The following RNF139 variants were observed in gnomAD, a reference collection of about 807,000 sequenced individuals.
RNF139 encodes the protein E3 ubiquitin-protein ligase RNF139.
In RNF139, 15 loss-of-function variants were observed where a neutral mutation model predicts 49.5. The ratio of observed to expected loss-of-function variants is 0.30; its 90% confidence interval spans 0.20 to 0.47. RNF139 has a LOEUF of 0.47. Ranked by LOEUF, RNF139 falls within the 20% of genes least tolerant of loss-of-function variation. RNF139 has a pLI of 1.00. For synonymous variants in RNF139, 325 were observed against 300.9 expected (o/e 1.08, Z -0.83); for missense variants, 619 against 806.3 (o/e 0.77, Z 2.81).
At chr8:124,482,011 G>C (rs1480796436) in intron 1 of RNF139, among the ~76,000 whole-genome samples, 1 of 152,012 alleles carries the variant, frequency 6.6e-6, no homozygotes, top group Non-Finnish European at 1.5e-5. Flanking sequence ...TACAAACTTT[G>C]GGTAGGAATT....
intron 1 of RNF139, among the ~76,000 whole-genome samples, chr8:124,476,857 T>C (rs1473497350): frequency 6.6e-6 from 1 of 152,232 alleles, no homozygotes; most frequent in African/African-American, 2.4e-5. Context: ...GGAAAAGAAG[T>C]ATTTTCTTTA....
intron 1 of RNF139, among the ~76,000 whole-genome samples, chr8:124,478,140 TAAA>T (rs1395642000): frequency 7.5e-6 from 1 of 133,670 alleles, no homozygotes; most frequent in African/African-American, 2.8e-5. Flanking sequence ...AGACTCTGTC[TAAA>T]AAAAAAAACA....
At chr8:124,475,902 A>C (rs540940452) in intron 1 of RNF139, among the ~76,000 whole-genome samples, 1 of 152,382 alleles carries the variant, frequency 6.6e-6, no homozygotes, top group East Asian at 1.9e-4. Flanking sequence ...GAAGGTATTG[A>C]AAGTGACTGT....
chr8:124,484,189 A>G (rs1437204541), intron 1 of RNF139, among the ~76,000 whole-genome samples: 1 of 152,188 alleles, frequency 6.6e-6, no homozygotes. Context: ...TAGTGGAGAA[A>G]GGAATGTGTT....
At chr8:124,483,098 A>ATATATATTT (rs1563631406) in intron 1 of RNF139, among the ~76,000 whole-genome samples, 2 of 26,254 alleles carry the variant, frequency 7.6e-5, no homozygotes, top group South Asian at 1.6e-3. Flanking sequence ...TATATTTAAA[A>ATATATATTT]ATATATATAT....
rs761458320 is a variant in RNF139 at position 124,475,125 on chromosome 8, C to G, written c.16C>G (p.Pro6Ala). Residue 6 changes from proline to alanine, a missense_variant, in exon 1 of 2, where the codon CCC becomes GCC. Pro to Ala is a conservative substitution (Grantham distance 27, BLOSUM62 -1). Around this residue, in one of 2 missense-constraint regions of RNF139, gnomAD observed 89 missense variants for 77.5 expected, o/e 1.15. Coordinates refer to ENST00000303545, the MANE Select transcript of RNF139 (RefSeq NM_007218.4). ...GCAGCGGCTCATGGCGGCCGTGGGGCCCCCGCAGCAGCAGGTGCGGATGGC... is the reference window on the plus strand; with the variant it reads ...GCAGCGGCTCATGGCGGCCGTGGGGGCCCCGCAGCAGCAGGTGCGGATGGC... MAAVG[P>A]PQQQVRMAHQ... 8 of 1,587,090 alleles carry G rather than the reference C, an allele frequency of 5.0e-6. No individual in the cohort carries two copies. In the Admixed American group the frequency reaches 5.2e-5, roughly 10 times the overall value.
chr8:124,486,323 T>C lies in RNF139; in HGVS notation c.674T>C (p.Met225Thr), dbSNP rs746104363. 2 of 1,614,160 alleles carry C rather than the reference T, an allele frequency of 1.2e-6. No individual in the cohort carries two copies. Among genetic ancestry groups the C allele is most frequent in the Non-Finnish European group, 1.7e-6 (2 of 1,180,004 alleles). The change falls in exon 2 of 2, where the codon ATG (methionine) becomes ACG (threonine). Residue 225 changes from methionine to threonine, a missense_variant. Around this residue, in one of 2 missense-constraint regions of RNF139, gnomAD observed 530 missense variants for 728.9 expected, o/e 0.73. Transcript: ENST00000303545. ...CGAATTTACGGATTACAGTTATTGATGGAGGACACATGGAAGAGGATTCGT... is the reference window on the plus strand; with the variant it reads ...CGAATTTACGGATTACAGTTATTGACGGAGGACACATGGAAGAGGATTCGT... ...MYRIYGLQLL[M>T]EDTWKRIRFP...
intron 1 of RNF139, among the ~76,000 whole-genome samples, chr8:124,483,009 AAAT>A (rs1816458252): frequency 1.2e-5 from 1 of 80,490 alleles, no homozygotes; most frequent in African/African-American, 5.5e-5. Flanking sequence ...TATATATTAA[AAAT>A]ATATATATAT....
At chr8:124,482,741 A>G (rs918090094) in intron 1 of RNF139, among the ~76,000 whole-genome samples, 8 of 151,054 alleles carry the variant, frequency 5.3e-5, no homozygotes, top group Non-Finnish European at 1.0e-4. Context: ...AGCCTGACCA[A>G]CGTGGAAAAA....
chr8:124,487,564 G>A lies in RNF139; in HGVS notation c.1915G>A (p.Asp639Asn). The A allele has an allele frequency of 6.2e-7, 1 of 1,614,122 alleles. No homozygotes were observed. Among genetic ancestry groups the A allele is most frequent in the Non-Finnish European group, 8.5e-7 (1 of 1,179,974 alleles). The change falls in exon 2 of 2, where the codon GAT becomes AAT. Residue 639 changes from aspartate to asparagine, a missense_variant. Asp to Asn is a conservative substitution (Grantham distance 23, BLOSUM62 1). Transcript: ENST00000303545. ...LNEDDSTDCDDDVQRERNGVI... is the reference protein window; with the variant it reads ...LNEDDSTDCDNDVQRERNGVI... ...CGAAGATGACAGTACAGATTGTGATGATGATGTTCAAAGAGAAAGAAATGG... is the reference window on the plus strand; with the variant it reads ...CGAAGATGACAGTACAGATTGTGATAATGATGTTCAAAGAGAAAGAAATGG...
At chr8:124,476,322 G>C (rs1816313905) in intron 1 of RNF139, among the ~76,000 whole-genome samples, 1 of 152,112 alleles carries the variant, frequency 6.6e-6, no homozygotes, top group Non-Finnish European at 1.5e-5. Flanking sequence ...CATTTTCACT[G>C]GTAGGTATTA....
At chr8:124,479,160 A>G (rs541501627) in intron 1 of RNF139, among the ~76,000 whole-genome samples, 2 of 150,976 alleles carry the variant, frequency 1.3e-5, no homozygotes, top group Non-Finnish European at 3.0e-5. Flanking sequence ...GCGTGATCTC[A>G]GCACACTGCA....
Position 124,487,690 on chromosome 8 carries a change from G to A in RNF139, c.*46G>A. 3 of 1,534,052 alleles carry A rather than the reference G, an allele frequency of 2.0e-6. No homozygotes were observed. The highest frequency in any genetic ancestry group is 2.6e-6 in the Non-Finnish European group (3 of 1,142,822). On this transcript the variant is annotated 3_prime_UTR_variant, in exon 2 of 2. Transcript: ENST00000303545. ...GATTGAGGTATTTGTTTAAAATTCAGTTCATCCAAAATGGAGTAATATCCT... is the reference window on the plus strand; with the variant it reads ...GATTGAGGTATTTGTTTAAAATTCAATTCATCCAAAATGGAGTAATATCCT...
At chr8:124,485,800 A>C (rs750543715) in intron 1 of RNF139, 31 bp from the exon 2 acceptor site, 1 of 1,524,552 alleles carries the variant, frequency 6.6e-7, no homozygotes, top group Admixed American at 2.0e-5. Flanking sequence ...CAAATACTTC[A>C]TTCAAATGAC....
rs2131308041 is a variant in RNF139, at chr8:124,487,143, T to C, written c.1494T>C (p.Phe498=). 1 of 1,613,970 alleles carries C rather than the reference T, an allele frequency of 6.2e-7. No homozygotes were observed. Among genetic ancestry groups the C allele is most frequent in the African/African-American group, 1.3e-5 (1 of 75,046 alleles). The part of the protein sequence containing the change: ...MFESGSKIRA[F]MMCLHAYFNI... Reference sequence around the variant, plus strand: ...AGTCGGGAAGTAAAATTCGGGCTTTTATGATGTGCCTACATGCATATTTTA... The same window carrying C: ...AGTCGGGAAGTAAAATTCGGGCTTTCATGATGTGCCTACATGCATATTTTA... The change falls in exon 2 of 2, where the codon TTT becomes TTC. Residue 498 remains phenylalanine, a synonymous_variant. Coordinates refer to ENST00000303545, the MANE Select transcript of RNF139 (RefSeq NM_007218.4).
Position 124,488,514 on chromosome 8 carries a change from A to G in RNF139, c.*870A>G. ...TAGTATTTCTTTAGACAACTTGCAGATAATTTCTTTATTGAAACTATCAGG... is the reference window on the plus strand; with the variant it reads ...TAGTATTTCTTTAGACAACTTGCAGGTAATTTCTTTATTGAAACTATCAGG... On this transcript the variant is annotated 3_prime_UTR_variant, in exon 2 of 2. Coordinates refer to ENST00000303545, the MANE Select transcript of RNF139 (RefSeq NM_007218.4). 1.4e-6 allele frequency: 1 copy of G among 720,348 alleles called. No homozygotes were observed. The highest frequency in any genetic ancestry group is 2.4e-6 in the Non-Finnish European group (1 of 417,992). 44.6% of individuals were successfully genotyped at this position (720,348 alleles called of 1,614,324 possible).
rs763202390 is a variant in RNF139 at position 124,487,328 on chromosome 8, T to C, written c.1679T>C (p.Ile560Thr). Residue 560 changes from isoleucine (I) to threonine (T), a missense_variant, in exon 2 of 2, where the codon ATT (isoleucine) becomes ACT (threonine). Transcript: ENST00000303545. ...CATGAGTTTACAACATCTGCTCGTA[T>C]TACACCGTGTAATCATTATTTCCAT... ...CYHEFTTSAR[I>T]TPCNHYFHAL... The C allele has an allele frequency of 1.2e-6, 2 of 1,614,096 alleles. No homozygotes were observed. Among genetic ancestry groups the C allele is most frequent in the Non-Finnish European group, 1.7e-6 (2 of 1,179,966 alleles).
chr8:124,475,047 G>A lies in RNF139; in HGVS notation c.-63G>A. On this transcript the variant is annotated 5_prime_UTR_variant, in exon 1 of 2. Coordinates refer to ENST00000303545, the MANE Select transcript of RNF139 (RefSeq NM_007218.4). ...CGCCTTAGCCCCCGCCCCCGGCCGC[G>A]GCCCCGGGCCCTGCCCCGCGCGGCC... is the stretch of plus-strand genomic sequence containing the variant. 1.0e-5 allele frequency: 12 copies of A among 1,174,984 alleles called. No individual in the cohort carries two copies. Among genetic ancestry groups the A allele is most frequent in the African/African-American group, 1.6e-5 (1 of 62,492 alleles). The allele number at this position is 1,174,984 out of a possible 1,614,324, so 72.8% of individuals were successfully genotyped here.
intron 1 of RNF139, among the ~76,000 whole-genome samples, chr8:124,481,044 CTTA>C (rs751189288): frequency 1.7e-4 from 26 of 152,052 alleles, no homozygotes; most frequent in Non-Finnish European, 3.4e-4. Flanking sequence ...TAAAAGCATA[CTTA>C]TTATAAGTTT....
Sources: allele counts gnomAD v4.1 joint callset (sites outside exome capture counted in the v4.1 genomes callset), GRCh38; gene constraint gnomAD v4.1.1; regional missense constraint gnomAD v4.1.1; transcripts MANE v1.5; gene names NCBI Gene and HGNC (gene_info 2026-07-23, HGNC 2026-07-21).